Variants in PIK3C2G observed in about 807,000 individuals in gnomAD.
PIK3C2G encodes phosphatidylinositol-4-phosphate 3-kinase catalytic subunit type 2 gamma.
In PIK3C2G, 168 loss-of-function variants were observed where a neutral mutation model predicts 181.1. The ratio of observed to expected loss-of-function variants is 0.93; its 90% CI spans 0.82 to 1.05. The LOEUF is 1.05. PIK3C2G is among the 50% of genes least tolerant of loss of function. PIK3C2G has a pLI of 0.00. For synonymous variants in PIK3C2G, 573 were observed against 592.2 expected (o/e 0.97, Z 0.47); for missense variants, 1,869 against 1,732.8 (o/e 1.08, Z -1.40).
At chr12:18,245,796 ATT>A (rs1206749520), upstream of PIK3C2G, among the ~76,000 whole-genome samples, 1 of 152,106 alleles carries the variant, frequency 6.6e-6, no homozygotes, top group East Asian at 1.9e-4. Flanking sequence ...TAAAATATTT[ATT>A]GTAAGTTTTT....
At chr12:18,378,224 A>C (rs1030027973) in intron 13 of PIK3C2G, among the ~76,000 whole-genome samples, 2 of 152,194 alleles carry the variant, frequency 1.3e-5, no homozygotes, top group African/African-American at 4.8e-5. Context: ...CCAAGACATA[A>C]AAATATGGTA....
intron 16 of PIK3C2G, among the ~76,000 whole-genome samples, chr12:18,418,961 C>A (rs1945326491): frequency 6.6e-6 from 1 of 151,922 alleles, no homozygotes; most frequent in African/African-American, 2.4e-5. Flanking sequence ...TAAAGAGGGG[C>A]AAAATATTAC....
At chr12:18,398,247 T>TA (rs1030895696) in intron 15 of PIK3C2G, among the ~76,000 whole-genome samples, 3 of 151,756 alleles carry the variant, frequency 2.0e-5, no homozygotes, top group Admixed American at 6.6e-5. Flanking sequence ...CAAAAAGAGC[T>TA]AAAAAAAAGA....
At chr12:18,355,647 G>A (rs1452096841) in intron 11 of PIK3C2G, among the ~76,000 whole-genome samples, 1 of 152,164 alleles carries the variant, frequency 6.6e-6, no homozygotes, top group Non-Finnish European at 1.5e-5. Context: ...TAGCTGTTGG[G>A]CACAGCACAT....
At chr12:18,650,375 G>A (rs1416874523), downstream of PIK3C2G, among the ~76,000 whole-genome samples, 1 of 134,400 alleles carries the variant, frequency 7.4e-6, no homozygotes. Flanking sequence ...GTGTGTGTGT[G>A]TCTGTGTGTC....
At chr12:18,566,440 G>T (rs1431967779) in intron 28 of PIK3C2G, among the ~76,000 whole-genome samples, 1 of 152,200 alleles carries the variant, frequency 6.6e-6, no homozygotes, top group African/African-American at 2.4e-5. Flanking sequence ...ATCAGATTGT[G>T]CAAAGGAAAT....
At chr12:18,599,052 A>G (rs889657427) in intron 30 of PIK3C2G, among the ~76,000 whole-genome samples, 26 of 151,964 alleles carry the variant, frequency 1.7e-4, no homozygotes, top group African/African-American at 6.0e-4. Context: ...TGTTGGTGGG[A>G]CTGTAAACTA....
At chr12:18,635,293 T>C (rs1271746446) in intron 31 of PIK3C2G, among the ~76,000 whole-genome samples, 1 of 152,224 alleles carries the variant, frequency 6.6e-6, no homozygotes, top group Non-Finnish European at 1.5e-5. Flanking sequence ...GCAGCAGCAA[T>C]GGAAACCATG....
At chr12:18,567,427 TC>T (rs1945695473) in intron 29 of PIK3C2G, among the ~76,000 whole-genome samples, 1 of 152,066 alleles carries the variant, frequency 6.6e-6, no homozygotes, top group Admixed American at 6.6e-5. Context: ...ATGATAACAT[TC>T]TTTGGGTTCA....
intron 31 of PIK3C2G, among the ~76,000 whole-genome samples, chr12:18,637,139 T>A (rs1949638897): frequency 6.6e-6 from 1 of 152,140 alleles, no homozygotes; most frequent in South Asian, 2.1e-4. Context: ...AGAGCCAGTG[T>A]CCAGTAGTTC....
the PIK3C2G span, chr12:18,688,134 G>T: frequency 6.2e-7 from 1 of 1,611,180 alleles, no homozygotes; most frequent in South Asian, 1.1e-5. Flanking sequence ...TGATCATTTG[G>T]AACACCAAAA....
At chr12:18,648,753 T>C (rs12228336), downstream of PIK3C2G, among the ~76,000 whole-genome samples, 22,582 of 152,086 alleles carry the variant, frequency 0.15, 2,091 homozygotes, top group East Asian at 0.42. Flanking sequence ...ATTATTTTCC[T>C]GCTTCTGAAC....
At chr12:18,652,404 C>G (rs937864639), downstream of PIK3C2G, among the ~76,000 whole-genome samples, 4 of 152,028 alleles carry the variant, frequency 2.6e-5, no homozygotes, top group Admixed American at 2.0e-4. Flanking sequence ...GCCAGAAAAC[C>G]ACTGCGAACT....
intron 11 of PIK3C2G, among the ~76,000 whole-genome samples, chr12:18,361,425 G>T (rs1454557649): frequency 2.0e-5 from 3 of 151,338 alleles, no homozygotes; most frequent in Non-Finnish European, 4.4e-5. Flanking sequence ...CTTTAGCTAG[G>T]TCATGATCCC....
At chr12:18,628,119 T>C (rs1949184105) in intron 31 of PIK3C2G, among the ~76,000 whole-genome samples, 1 of 152,134 alleles carries the variant, frequency 6.6e-6, no homozygotes, top group South Asian at 2.1e-4. Context: ...ATTAGGAACA[T>C]AGGTTATATA....
chr12:18,439,567 C>T (rs1015728007), intron 18 of PIK3C2G, among the ~76,000 whole-genome samples: 1 of 150,034 alleles, frequency 6.7e-6, no homozygotes, highest in Admixed American at 6.6e-5. Context: ...TTCCCACCAA[C>T]TTTCTGAGCC....
At chr12:18,437,957 T>C (rs1946535794) in intron 18 of PIK3C2G, among the ~76,000 whole-genome samples, 1 of 151,886 alleles carries the variant, frequency 6.6e-6, no homozygotes, top group African/African-American at 2.4e-5. Context: ...TTTTGTTGAC[T>C]GCCTGCTATG....
chr12:18,362,806 A>G lies in PIK3C2G; in HGVS notation c.1668A>G (p.Gly556=). 3.3e-6 allele frequency: 5 copies of G among 1,525,212 alleles called. No homozygotes were observed. Among genetic ancestry groups the G allele is most frequent in the Non-Finnish European group, 4.4e-6 (5 of 1,142,440 alleles). The allele number at this position is 1,525,212 out of a possible 1,614,324, so 94.5% of individuals were successfully genotyped here. A position where few individuals can be genotyped will look rare whatever the true frequency, so the allele number is the denominator to read the frequency against. ...TTACCTGTTGGCTTACATATGCTGG[A>G]AAGAAGCTGTGCCAAGTGAGAAACT... The part of the protein sequence containing the change: ...FSFTCWLTYA[G]KKLCQVRNYR... The change falls in exon 12 of 33, where the codon GGA becomes GGG. Residue 556 remains glycine, a synonymous_variant. Transcript: ENST00000538779.
intron 24 of PIK3C2G, among the ~76,000 whole-genome samples, chr12:18,528,401 G>C (rs907392658): frequency 1.3e-5 from 2 of 151,790 alleles, no homozygotes; most frequent in African/African-American, 4.8e-5. Flanking sequence ...TATTTCCTAG[G>C]AATAAAAATA....
Sources: allele counts gnomAD v4.1 joint callset (sites outside exome capture counted in the v4.1 genomes callset), GRCh38; gene constraint gnomAD v4.1.1; transcripts MANE v1.5; gene names NCBI Gene and HGNC (gene_info 2026-07-23, HGNC 2026-07-21).